Variants in FBXL7 observed in about 807,000 individuals in gnomAD.
FBXL7 encodes the protein F-box/LRR-repeat protein 7.
A neutral mutation model predicts 38.3 loss-of-function variants in FBXL7; 12 were observed. That is an observed-to-expected ratio of 0.31 (90% CI 0.20 to 0.51). The LOEUF (loss-of-function observed/expected upper bound fraction) is 0.51, where lower values mean the gene tolerates loss of function less well. FBXL7 is among the 20% of genes least tolerant of loss of function. FBXL7 has a pLI of 0.98. For missense variants in FBXL7, 567 were observed against 676.4 expected, an observed-to-expected ratio of 0.84 and a Z score of 1.79; for synonymous variants, 297 against 300.9, an observed-to-expected ratio of 0.99 and a Z score of 0.13.
intron 1 of FBXL7, among the ~76,000 whole-genome samples, chr5:15,606,584 G>A (rs1308345038): frequency 1.3e-5 from 2 of 152,158 alleles, no homozygotes; most frequent in Non-Finnish European, 2.9e-5. Context: ...GAAAGTACTC[G>A]TTAGAACATT....
intron 2 of FBXL7, among the ~76,000 whole-genome samples, chr5:15,813,570 A>G (rs144744031): frequency 6.6e-6 from 1 of 152,204 alleles, no homozygotes; most frequent in Admixed American, 6.5e-5. Context: ...GCCAAAATTG[A>G]CAAATGGGAT....
At chr5:15,730,612 G>C (rs1331230091) in intron 2 of FBXL7, among the ~76,000 whole-genome samples, 1 of 152,052 alleles carries the variant, frequency 6.6e-6, no homozygotes, top group East Asian at 1.9e-4. Context: ...TAAGAGAAAG[G>C]GTTAGATTTG....
intron 1 of FBXL7, among the ~76,000 whole-genome samples, chr5:15,540,590 C>T (rs1216250929): frequency 6.6e-6 from 1 of 152,096 alleles, no homozygotes; most frequent in Admixed American, 6.5e-5. Context: ...GTATCTTGTC[C>T]ATTCAAGATG....
intron 1 of FBXL7, among the ~76,000 whole-genome samples, chr5:15,571,420 G>A (rs1196135229): frequency 6.6e-6 from 1 of 152,154 alleles, no homozygotes; most frequent in Admixed American, 6.5e-5. Flanking sequence ...TGTAGGATGT[G>A]AAAAGATGAA....
chr5:15,817,882 A>G (rs1738061917), intron 2 of FBXL7, among the ~76,000 whole-genome samples: 1 of 152,152 alleles, frequency 6.6e-6, no homozygotes, highest in Non-Finnish European at 1.5e-5. Flanking sequence ...GAAGGAAACC[A>G]TGTGTCTCCA....
intron 1 of FBXL7, among the ~76,000 whole-genome samples, chr5:15,598,960 G>A (rs1012114083): frequency 3.3e-5 from 5 of 152,140 alleles, no homozygotes; most frequent in East Asian, 3.9e-4. Flanking sequence ...GTGTACTCTC[G>A]TAGCTCCTCC....
rs370496479 is a variant in FBXL7 at position 15,755,193 on chromosome 5, G to T, written c.127+139121G>T. Among the ~76,000 whole-genome samples the T allele has an allele frequency of 1.2e-4, 18 of 152,252 alleles. 1 individual carries two copies. The South Asian group carries it at 3.7e-3, about 32-fold the overall frequency. On this transcript the variant is annotated intron_variant, in intron 2 of 3. Transcript: ENST00000504595. ...TATATACCCTGTAAGCCTTGAAAAA[G>T]GCTCAGCTCAGGAGAAATTAAATTG...
At position 15,785,551 on chromosome 5, in the gene FBXL7, C is replaced by T. The variant is rs1185619069; in HGVS notation, c.128-142339C>T. 2.0e-5 allele frequency among the ~76,000 whole-genome samples: 3 copies of T among 152,278 alleles called. No homozygotes were observed. In the East Asian group the frequency reaches 5.8e-4, roughly 29 times the overall value. On this transcript the variant is annotated intron_variant, in intron 2 of 3. Coordinates refer to ENST00000504595, the MANE Select transcript of FBXL7 (RefSeq NM_012304.5). ...CCTTCGCCCTTTCTGTGCTTTCAAG[C>T]ATGTAAGCCAATCACCTCCCTCCTC...
chr5:15,679,601 CA>C lies in FBXL7; in HGVS notation c.127+63532del, dbSNP rs1299544569. ...TTCAGAATGGTGTCTCTCACACACT[CA>C]AATAGACATGCCAAAATGTATTTGT... is the stretch of plus-strand genomic sequence containing the variant. On this transcript the variant is annotated intron_variant, in intron 2 of 3. Coordinates refer to ENST00000504595, the MANE Select transcript of FBXL7 (RefSeq NM_012304.5). 1.7e-4 allele frequency among the ~76,000 whole-genome samples: 24 copies of C among 144,098 alleles called. 1 individual carries two copies. The highest frequency in any genetic ancestry group is 6.7e-4 in the South Asian group (3 of 4,494). The allele number at this position is 144,098 out of a possible 152,430, so 94.5% of individuals were successfully genotyped here. A position where few individuals can be genotyped will look rare whatever the true frequency, so the allele number is the denominator to read the frequency against.
chr5:15,607,963 T>A (rs1285178634), intron 1 of FBXL7, among the ~76,000 whole-genome samples: 1 of 152,222 alleles, frequency 6.6e-6, no homozygotes, highest in Non-Finnish European at 1.5e-5. Context: ...CCAGCACAGT[T>A]CCAGTGTACT....
intron 3 of FBXL7, among the ~76,000 whole-genome samples, chr5:15,935,829 C>T (rs564306174): frequency 2.6e-5 from 4 of 152,318 alleles, no homozygotes; most frequent in South Asian, 2.1e-4. Flanking sequence ...TCTGAAGTGT[C>T]GGCTCACCAC....
At chr5:15,903,443 T>C (rs893464132) in intron 2 of FBXL7, among the ~76,000 whole-genome samples, 2 of 152,222 alleles carry the variant, frequency 1.3e-5, no homozygotes, top group African/African-American at 4.8e-5. Context: ...TGTGAAAGTC[T>C]TTCTGACTAG....
chr5:15,840,660 A>G (rs139685027), intron 2 of FBXL7, among the ~76,000 whole-genome samples: 1,854 of 152,218 alleles, frequency 0.012, 35 homozygotes, highest in African/African-American at 0.041. Context: ...CATCCTGGCC[A>G]GCGTGGTGAA....
chr5:15,634,337 T>C (rs913447016), intron 2 of FBXL7, among the ~76,000 whole-genome samples: 1 of 100,740 alleles, frequency 9.9e-6, no homozygotes, highest in Non-Finnish European at 2.0e-5. Flanking sequence ...TTTTTTTTTT[T>C]AAAAGACAGA....
intron 2 of FBXL7, among the ~76,000 whole-genome samples, chr5:15,808,751 G>T (rs539411244): frequency 8.5e-5 from 13 of 152,302 alleles, no homozygotes; most frequent in Non-Finnish European, 1.9e-4. Context: ...CTGCTAGACT[G>T]CCAGTGCTTG....
chr5:15,501,532 T>C, intron 1 of FBXL7: 1 of 985,560 alleles, frequency 1.0e-6, no homozygotes, highest in Non-Finnish European at 1.2e-6. Flanking sequence ...AGAAGGTTTG[T>C]GTCTAGTGGT....
In FBXL7 at chr5:15,794,557, C is replaced by T. The variant is rs114407504; in HGVS notation, c.128-133333C>T. 9.5e-3 allele frequency among the ~76,000 whole-genome samples: 1,453 copies of T among 152,198 alleles called. 26 individuals are homozygous for T. Among genetic ancestry groups the T allele is most frequent in the African/African-American group, 0.033 (1,368 of 41,542 alleles). On this transcript the variant is annotated intron_variant, in intron 2 of 3. Transcript: ENST00000504595. ...AAGATGAGTAAATAAAACAGGAAGA[C>T]GTGTTTTAAAATTGGCAAACTCTTG...
intron 2 of FBXL7, among the ~76,000 whole-genome samples, chr5:15,639,362 A>C (rs1290357408): frequency 6.6e-6 from 1 of 152,142 alleles, no homozygotes; most frequent in East Asian, 1.9e-4. Flanking sequence ...GCAGGAAATC[A>C]TTGAATCATG....
At chr5:15,712,960 A>G (rs1396937615) in intron 2 of FBXL7, among the ~76,000 whole-genome samples, 1 of 152,174 alleles carries the variant, frequency 6.6e-6, no homozygotes, top group Non-Finnish European at 1.5e-5. Flanking sequence ...CAGGTCTCCC[A>G]CATCTGTCAC....
Sources: gnomAD v4.1 joint callset for allele counts (sites outside exome capture counted in the v4.1 genomes callset) on GRCh38, gnomAD v4.1.1 for gene constraint, MANE v1.5 for transcripts, NCBI Gene and HGNC (gene_info 2026-07-23, HGNC 2026-07-21) for gene names.